DMD: variants seen among roughly 807,000 people sequenced by gnomAD.
DMD encodes the protein mutant dystrophin.
Under a neutral mutation model 330.1 loss-of-function variants are expected in DMD, and 63 were observed. The ratio of observed to expected loss-of-function variants is 0.19; its 90% CI spans 0.16 to 0.24. DMD has a LOEUF of 0.24. Among genes scored for constraint, DMD ranks in the 10% least tolerant of loss-of-function variants. The pLI is 1.00. For synonymous variants in DMD, 1,223 were observed against 959.8 expected, an observed-to-expected ratio of 1.27 and a Z score of -5.07; for missense variants, 3,344 against 2,684.1, an observed-to-expected ratio of 1.25 and a Z score of -5.43.
At chrX:32,649,327 G>C (rs972904382) in intron 9 of DMD, among the ~76,000 whole-genome samples, 2 of 109,706 alleles carry the variant, frequency 1.8e-5, no homozygotes, top group Non-Finnish European at 3.8e-5. Flanking sequence ...GGCTGAGGCA[G>C]GCGGATCACG....
At chrX:32,821,392 G>T (rs1000009323) in intron 5 of DMD, among the ~76,000 whole-genome samples, 2 of 109,143 alleles carry the variant, frequency 1.8e-5, no homozygotes, top group East Asian at 5.9e-4. Context: ...AGACCATCCT[G>T]GCTAACACGG....
chrX:32,252,655 A>AATATATATAT (rs1319302347), intron 43 of DMD, among the ~76,000 whole-genome samples: 1 of 29,913 alleles, frequency 3.3e-5, no homozygotes, highest in Non-Finnish European at 5.1e-5. Flanking sequence ...TATAAATACA[A>AATATATATAT]ATATATAAAT....
intron 57 of DMD, among the ~76,000 whole-genome samples, chrX:31,485,043 G>C (rs2068684097): frequency 8.9e-6 from 1 of 112,184 alleles, no homozygotes; most frequent in Non-Finnish European, 1.9e-5. Context: ...CTGAAAGTGA[G>C]TGATAACAAA....
At chrX:31,586,886 A>C (rs1002199741) in intron 55 of DMD, among the ~76,000 whole-genome samples, 2 of 112,377 alleles carry the variant, frequency 1.8e-5, no homozygotes, top group Non-Finnish European at 3.8e-5. Flanking sequence ...TTTAGGAACT[A>C]AACTCTTTTT....
intron 2 of DMD, among the ~76,000 whole-genome samples, chrX:32,904,441 G>C (rs1226003319): frequency 8.9e-6 from 1 of 111,893 alleles, no homozygotes; most frequent in Non-Finnish European, 1.9e-5. Flanking sequence ...GATAAGTGGG[G>C]TCAAGAGCCT....
At chrX:31,974,936 T>C (rs16989995) in intron 44 of DMD, among the ~76,000 whole-genome samples, 18,318 of 109,141 alleles carry the variant, frequency 0.17, 2,449 homozygotes, top group African/African-American at 0.45. Context: ...ATCACTGCTA[T>C]TAATGTGTAT....
chrX:32,337,200 C>T (rs1237381583), intron 41 of DMD, among the ~76,000 whole-genome samples: 1 of 110,993 alleles, frequency 9.0e-6, no homozygotes, highest in Non-Finnish European at 1.9e-5. Context: ...AAATAATTTA[C>T]ATGGTAATGT....
intron 2 of DMD, among the ~76,000 whole-genome samples, chrX:32,999,372 T>C (rs1346544332): frequency 2.7e-5 from 3 of 112,047 alleles, no homozygotes; most frequent in Non-Finnish European, 5.6e-5. Flanking sequence ...ATTCTCCCAG[T>C]GTGGCCCAGG....
chrX:33,304,676 G>A (rs1174015631), intron 1 of DMD, among the ~76,000 whole-genome samples: 4 of 102,186 alleles, frequency 3.9e-5, no homozygotes, highest in African/African-American at 1.4e-4. Context: ...ATCTGACAAA[G>A]GGCTAATATC....
At chrX:31,378,844 C>T (rs1203202285) in intron 60 of DMD, among the ~76,000 whole-genome samples, 4 of 110,861 alleles carry the variant, frequency 3.6e-5, no homozygotes, top group African/African-American at 1.3e-4. Context: ...CTTCAACTCA[C>T]ACCTGACCTA....
intron 60 of DMD, among the ~76,000 whole-genome samples, chrX:31,375,871 C>A (rs751495245): frequency 8.9e-6 from 1 of 111,749 alleles, no homozygotes; most frequent in African/African-American, 3.3e-5. Context: ...GTTTTTACCA[C>A]AATTTGAAAA....
intron 54 of DMD, among the ~76,000 whole-genome samples, chrX:31,640,860 A>G (rs1292279677): frequency 1.8e-5 from 2 of 112,256 alleles, no homozygotes; most frequent in African/African-American, 6.5e-5. Context: ...GGAAAAATGG[A>G]AAGTGACAAG....
At chrX:32,082,694 T>C (rs1371009651) in intron 44 of DMD, among the ~76,000 whole-genome samples, 1 of 112,120 alleles carries the variant, frequency 8.9e-6, no homozygotes, top group Non-Finnish European at 1.9e-5. Flanking sequence ...AACTAGATTT[T>C]TCTACCCCAT....
chrX:31,237,743 G>A (rs1463519177), intron 63 of DMD, among the ~76,000 whole-genome samples: 2 of 111,077 alleles, frequency 1.8e-5, no homozygotes, highest in Admixed American at 9.5e-5. Flanking sequence ...TTTTTTAGAC[G>A]GAGTCTCATT....
At chrX:32,624,866 G>A (rs1337625275) in intron 11 of DMD, among the ~76,000 whole-genome samples, 1 of 112,259 alleles carries the variant, frequency 8.9e-6, no homozygotes, top group African/African-American at 3.2e-5. Flanking sequence ...TTGCTTTACA[G>A]AAACTCTGTT....
At position 32,438,341 on chromosome X, in the gene DMD, C is replaced by T. The variant is rs768990357; in HGVS notation, c.3971G>A (p.Arg1324His). ...ATCTGTTAGGGTCTGTGCCAATATG[C>T]GAATCTGATTTGGGTTATCCTCTGA... Reference protein sequence around the residue: ...RHSEDNPNQIRILAQTLTDGG... With the variant: ...RHSEDNPNQIHILAQTLTDGG... Residue 1324 changes from arginine (R) to histidine (H), a missense_variant, in exon 29 of 79, where the codon CGC becomes CAC. Arg to His is a conservative substitution (Grantham distance 29). Coordinates refer to ENST00000357033, the MANE Select transcript of DMD (RefSeq NM_004006.3). 15 of 1,209,476 alleles carry T rather than the reference C, an allele frequency of 1.2e-5. No individual in the cohort carries two copies. Among genetic ancestry groups the T allele is most frequent in the South Asian group, 8.8e-5 (5 of 56,819 alleles).
chrX:32,964,517 G>A (rs2092051436), intron 2 of DMD, among the ~76,000 whole-genome samples: 1 of 109,486 alleles, frequency 9.1e-6, no homozygotes, highest in African/African-American at 3.3e-5. Context: ...AGACCAGCCT[G>A]GCCAACATGG....
At chrX:32,534,967 G>T (rs1361247540) in intron 17 of DMD, among the ~76,000 whole-genome samples, 1 of 111,351 alleles carries the variant, frequency 9.0e-6, no homozygotes, top group African/African-American at 3.3e-5. Context: ...ACTCTCAGAA[G>T]ATGTCAGAAT....
chrX:32,027,023 G>A (rs188848858), intron 44 of DMD, among the ~76,000 whole-genome samples: 10 of 111,116 alleles, frequency 9.0e-5, no homozygotes, highest in Middle Eastern at 4.6e-3. Flanking sequence ...AAATGTAGTT[G>A]CTGGCTTGCA....
Sources: allele counts gnomAD v4.1 joint callset (sites outside exome capture counted in the v4.1 genomes callset), GRCh38; gene constraint gnomAD v4.1.1; transcripts MANE v1.5; gene names NCBI Gene and HGNC (gene_info 2026-07-23, HGNC 2026-07-21).